GRIA1: variants seen among roughly 807,000 people sequenced by gnomAD.
The protein encoded by GRIA1 is glutamate ionotropic receptor AMPA type subunit 1, also known as glutamate receptor 1.
A neutral mutation model predicts 99.2 loss-of-function variants in GRIA1; 31 were observed. The observed-to-expected ratio is 0.31, with a 90% CI of 0.23 to 0.42. The LOEUF is 0.42. Among genes scored for constraint, GRIA1 ranks in the 10% least tolerant of loss-of-function variants. GRIA1 has a pLI of 1.00. For synonymous variants in GRIA1, 438 were observed against 432.4 expected, an observed-to-expected ratio of 1.01 and a Z score of -0.16; for missense variants, 782 against 1,157.5, an observed-to-expected ratio of 0.68 and a Z score of 4.71.
At chr5:153,702,878 A>G (rs1450203809) in intron 10 of GRIA1, among the ~76,000 whole-genome samples, 1 of 152,246 alleles carries the variant, frequency 6.6e-6, no homozygotes, top group African/African-American at 2.4e-5. Context: ...AGCCTGTGAA[A>G]TTGGTGAAAC....
chr5:153,772,935 C>G (rs534268874), intron 13 of GRIA1, among the ~76,000 whole-genome samples: 9 of 152,116 alleles, frequency 5.9e-5, no homozygotes, highest in African/African-American at 2.2e-4. Flanking sequence ...CATAATTTGT[C>G]CAATCAATAG....
intron 2 of GRIA1, among the ~76,000 whole-genome samples, chr5:153,644,978 G>C (rs1754037121): frequency 6.6e-6 from 1 of 151,990 alleles, no homozygotes; most frequent in African/African-American, 2.4e-5. Flanking sequence ...GTCAGATGTT[G>C]AGACTTTTCC....
At chr5:153,507,943 T>TATTCA (rs1406647025) in intron 2 of GRIA1, among the ~76,000 whole-genome samples, 6 of 152,230 alleles carry the variant, frequency 3.9e-5, no homozygotes, top group Admixed American at 6.5e-5. Context: ...GTCATACTAC[T>TATTCA]GATTCCATCT....
intron 12 of GRIA1, among the ~76,000 whole-genome samples, chr5:153,766,955 T>C (rs949165809): frequency 6.6e-6 from 1 of 152,182 alleles, no homozygotes; most frequent in Non-Finnish European, 1.5e-5. Context: ...CCTACTACAT[T>C]GGTGACAAAT....
rs1763028330 is a variant in GRIA1 at position 153,759,329 on chromosome 5, A to G, written c.1824-5105A>G. Among the ~76,000 whole-genome samples the G allele has an allele frequency of 2.0e-5, 3 of 151,768 alleles. No individual in the cohort carries two copies. The South Asian group carries it at 6.2e-4, about 31-fold the overall frequency. ...ACGAACCTTTAGCAAGACTGAGAAAATAAGAGAAATGACTCAAATAAATAA... is the reference window on the plus strand; with the variant it reads ...ACGAACCTTTAGCAAGACTGAGAAAGTAAGAGAAATGACTCAAATAAATAA... On this transcript the variant is annotated intron_variant, in intron 11 of 15. Coordinates refer to ENST00000285900, the MANE Select transcript of GRIA1 (RefSeq NM_000827.4).
chr5:153,559,050 G>C (rs1760894218), intron 2 of GRIA1, among the ~76,000 whole-genome samples: 1 of 152,168 alleles, frequency 6.6e-6, no homozygotes, highest in East Asian at 1.9e-4. Flanking sequence ...GACATTGCCA[G>C]CCTTCTTTCC....
intron 2 of GRIA1, among the ~76,000 whole-genome samples, chr5:153,556,164 G>T (rs1760621928): frequency 6.6e-6 from 1 of 152,160 alleles, no homozygotes; most frequent in African/African-American, 2.4e-5. Flanking sequence ...TGTTATAGCT[G>T]CAATTTTTTC....
At chr5:153,616,810 A>C (rs2149416918) in intron 2 of GRIA1, among the ~76,000 whole-genome samples, 1 of 152,276 alleles carries the variant, frequency 6.6e-6, no homozygotes, top group African/African-American at 2.4e-5. Context: ...GTGGCTATTA[A>C]GATATCTGTC....
At chr5:153,498,850 G>A (rs1162224759) in intron 2 of GRIA1, among the ~76,000 whole-genome samples, 1 of 152,112 alleles carries the variant, frequency 6.6e-6, no homozygotes, top group Non-Finnish European at 1.5e-5. Flanking sequence ...GTTAACCAAA[G>A]TTTCCATTAC....
At chr5:153,786,627 T>A (rs550311921) in intron 13 of GRIA1, among the ~76,000 whole-genome samples, 1 of 152,306 alleles carries the variant, frequency 6.6e-6, no homozygotes, top group South Asian at 2.1e-4. Flanking sequence ...CTCTGAAGGC[T>A]TTATAATCAA....
At position 153,811,068 on chromosome 5, in the gene GRIA1, G is replaced by A. The variant is rs775760573; in HGVS notation, c.2564G>A (p.Arg855Gln). ...CAGCAATCCATCAACGAAGCCATAC[G>A]GACATCGACCCTCCCCCGCAACAGC... ...IPQQSINEAIRTSTLPRNSGA... is the reference protein window; with the variant it reads ...IPQQSINEAIQTSTLPRNSGA... Residue 855 changes from arginine (R) to glutamine (Q), a missense_variant, in exon 16 of 16, where the codon CGG becomes CAG. Around this residue, in one of 5 missense-constraint regions of GRIA1, gnomAD observed 76 missense variants for 81.2 expected, o/e 0.94. Coordinates refer to ENST00000285900, the MANE Select transcript of GRIA1 (RefSeq NM_000827.4). 9 of 1,613,998 alleles carry A rather than the reference G, an allele frequency of 5.6e-6. No homozygotes were observed. In the East Asian group the frequency reaches 1.3e-4, roughly 24 times the overall value.
chr5:153,562,693 AAGTG>A (rs1221776834), intron 2 of GRIA1, among the ~76,000 whole-genome samples: 2 of 152,176 alleles, frequency 1.3e-5, no homozygotes, highest in Admixed American at 1.3e-4. Flanking sequence ...ATGAGTGAGT[AAGTG>A]AGTGAGTGAG....
intron 8 of GRIA1, among the ~76,000 whole-genome samples, chr5:153,691,608 G>A (rs1392284575): frequency 6.6e-6 from 1 of 152,204 alleles, no homozygotes; most frequent in Non-Finnish European, 1.5e-5. Context: ...AGAATTTATA[G>A]CTTGCCATTC....
chr5:153,525,678 C>G (rs1464563007), intron 2 of GRIA1, among the ~76,000 whole-genome samples: 1 of 152,164 alleles, frequency 6.6e-6, no homozygotes. Context: ...GAAGGCAAAA[C>G]TTGGGAGATA....
intron 2 of GRIA1, among the ~76,000 whole-genome samples, chr5:153,613,564 C>G (rs940392433): frequency 1.3e-5 from 2 of 152,086 alleles, no homozygotes; most frequent in Non-Finnish European, 2.9e-5. Flanking sequence ...TTTCTTACTT[C>G]CCTCTCTCCC....
chr5:153,496,883 G>GTT (rs200848634), intron 2 of GRIA1, among the ~76,000 whole-genome samples: 3 of 149,604 alleles, frequency 2.0e-5, no homozygotes, highest in African/African-American at 7.4e-5. Flanking sequence ...AATTTTATTT[G>GTT]TTTTTTTTTC....
chr5:153,494,064 A>C lies in GRIA1; in HGVS notation c.219A>C (p.Arg73Ser). The change falls in exon 2 of 16, where the codon AGA becomes AGC. Residue 73 changes from arginine (R) to serine (S), a missense_variant and splice_region_variant. Physicochemically the swap from Arg to Ser is moderately radical, Grantham distance 110. This residue lies in a region of GRIA1 where 461 missense variants were observed against 521.7 expected (regional missense o/e 0.88). Transcript: ENST00000285900. ...GCGACAGCTTTGAGATGACCTATAG[A>C]TGTAAGTAATTGCTTCTATTTCTGA... ...NISDSFEMTY[R>S]FCSQFSKGVY... 1.2e-6 allele frequency: 2 copies of C among 1,613,588 alleles called. No individual in the cohort carries two copies. Among genetic ancestry groups the C allele is most frequent in the Non-Finnish European group, 1.7e-6 (2 of 1,179,740 alleles).
At chr5:153,529,927 C>T (rs1465018629) in intron 2 of GRIA1, among the ~76,000 whole-genome samples, 1 of 152,110 alleles carries the variant, frequency 6.6e-6, no homozygotes, top group African/African-American at 2.4e-5. Flanking sequence ...AGCCTTATTA[C>T]CCTGTTCCCT....
chr5:153,602,480 T>A (rs1322539386), intron 2 of GRIA1, among the ~76,000 whole-genome samples: 1 of 151,910 alleles, frequency 6.6e-6, no homozygotes, highest in Non-Finnish European at 1.5e-5. Context: ...TGTATACATA[T>A]GTAACTAACC....
Sources: allele counts gnomAD v4.1 joint callset (sites outside exome capture counted in the v4.1 genomes callset), GRCh38; gene constraint gnomAD v4.1.1; regional missense constraint gnomAD v4.1.1; transcripts MANE v1.5; gene names NCBI Gene and HGNC (gene_info 2026-07-23, HGNC 2026-07-21).